DCC: variants seen among roughly 807,000 people sequenced by gnomAD.
The protein encoded by DCC is DCC netrin 1 receptor.
In DCC, 58 loss-of-function variants were observed where a neutral mutation model predicts 172.5. The observed-to-expected ratio is 0.34, with a 90% CI of 0.27 to 0.42. The LOEUF (loss-of-function observed/expected upper bound fraction) is 0.42. DCC is among the 10% of genes least tolerant of loss of function. DCC has a pLI of 1.00. For synonymous variants in DCC, 709 were observed against 644.5 expected (o/e 1.10, Z -1.52); for missense variants, 1,740 against 1,791.0 (o/e 0.97, Z 0.51).
intron 5 of DCC, among the ~76,000 whole-genome samples, chr18:53,010,502 C>CATGGCTACTTATATATTCTACTTTG (rs2041712369): frequency 2.6e-5 from 4 of 151,356 alleles, no homozygotes; most frequent in Non-Finnish European, 4.4e-5. Flanking sequence ...ATGTTAACAA[C>CATGGCTACTTATATATTCTACTTTG]GTTCAAAGTA....
At chr18:52,435,386 T>C (rs558719359) in intron 1 of DCC, among the ~76,000 whole-genome samples, 2 of 152,260 alleles carry the variant, frequency 1.3e-5, no homozygotes, top group Non-Finnish European at 2.9e-5. Flanking sequence ...ATAATGGCCT[T>C]TTCCATGGGT....
chr18:53,472,862 C>T (rs2045714924), intron 25 of DCC, among the ~76,000 whole-genome samples: 1 of 152,162 alleles, frequency 6.6e-6, no homozygotes, highest in African/African-American at 2.4e-5. Flanking sequence ...ACAAACCAAA[C>T]AAATTTTTAA....
At chr18:52,762,314 A>C (rs2037174045) in intron 2 of DCC, among the ~76,000 whole-genome samples, 1 of 151,978 alleles carries the variant, frequency 6.6e-6, no homozygotes, top group African/African-American at 2.4e-5. Context: ...TCTCTACAAA[A>C]AAATAAAAAA....
chr18:52,584,905 G>T (rs2033637296), intron 1 of DCC, among the ~76,000 whole-genome samples: 1 of 152,012 alleles, frequency 6.6e-6, no homozygotes, highest in Non-Finnish European at 1.5e-5. Flanking sequence ...TAAACCTTGG[G>T]CATATGGCTC....
intron 11 of DCC, among the ~76,000 whole-genome samples, chr18:53,215,177 A>C (rs983652630): frequency 1.3e-5 from 2 of 152,150 alleles, no homozygotes; most frequent in South Asian, 4.1e-4. Context: ...GAAATGCGCA[A>C]TATCTTAAGC....
intron 15 of DCC, among the ~76,000 whole-genome samples, chr18:53,367,013 A>G (rs772273662): frequency 1.3e-5 from 2 of 152,160 alleles, no homozygotes; most frequent in African/African-American, 2.4e-5. Context: ...CTTTATTGTC[A>G]CAGCTTTGTC....
rs145034389 is a variant in DCC at position 52,433,448 on chromosome 18, G to C, written c.91+92570G>C. Among the ~76,000 whole-genome samples the C allele has an allele frequency of 1.7e-3, 265 of 152,276 alleles. 6 individuals carry two copies. In the East Asian group the frequency reaches 0.042, roughly 24 times the overall value. On this transcript the variant is annotated intron_variant, in intron 1 of 28. Transcript: ENST00000442544. ...GTATATTCTGGGACTAGAGTTTTGA[G>C]CTAATTCAGTGCTCTTTATAATACA...
At chr18:53,105,830 C>A (rs1211778050) in intron 7 of DCC, among the ~76,000 whole-genome samples, 3 of 151,738 alleles carry the variant, frequency 2.0e-5, no homozygotes, top group Non-Finnish European at 4.4e-5. Flanking sequence ...CCCTCACTTT[C>A]TGCCATCATG....
intron 8 of DCC, among the ~76,000 whole-genome samples, chr18:53,163,460 G>A (rs906656068): frequency 2.6e-5 from 4 of 152,148 alleles, no homozygotes; most frequent in African/African-American, 4.8e-5. Context: ...TGTGATGTTT[G>A]TTTGTTCATG....
At chr18:53,033,137 G>T (rs1294778845) in intron 5 of DCC, among the ~76,000 whole-genome samples, 3 of 152,120 alleles carry the variant, frequency 2.0e-5, no homozygotes, top group Non-Finnish European at 2.9e-5. Flanking sequence ...AAATAAGAAT[G>T]TTGTGGGTGA....
At chr18:52,593,572 T>C (rs533165378) in intron 1 of DCC, among the ~76,000 whole-genome samples, 7 of 152,368 alleles carry the variant, frequency 4.6e-5, no homozygotes, top group Admixed American at 1.3e-4. Flanking sequence ...TCATGGTTTT[T>C]AAAATTTAAT....
intron 12 of DCC, among the ~76,000 whole-genome samples, chr18:53,281,012 G>C (rs1201396765): frequency 6.6e-6 from 1 of 152,112 alleles, no homozygotes; most frequent in Admixed American, 6.6e-5. Context: ...CCTCAGAAGA[G>C]ACTGAGATAC....
chr18:52,352,635 C>A (rs1336871803), intron 1 of DCC, among the ~76,000 whole-genome samples: 3 of 152,148 alleles, frequency 2.0e-5, no homozygotes, highest in Admixed American at 2.0e-4. Context: ...GGTTAATGTG[C>A]AGTACTGGGT....
intron 12 of DCC, among the ~76,000 whole-genome samples, chr18:53,227,114 A>C (rs1214571154): frequency 3.3e-5 from 5 of 150,140 alleles, no homozygotes; most frequent in African/African-American, 1.2e-4. Flanking sequence ...ACCCTAGCTA[A>C]TTTTTTGTAT....
At chr18:52,712,464 C>G (rs1347261176) in intron 1 of DCC, among the ~76,000 whole-genome samples, 1 of 152,178 alleles carries the variant, frequency 6.6e-6, no homozygotes, top group East Asian at 1.9e-4. Context: ...TTACCATAAC[C>G]CTATGAGATA....
At chr18:52,549,928 G>T (rs528365547) in intron 1 of DCC, among the ~76,000 whole-genome samples, 2 of 151,700 alleles carry the variant, frequency 1.3e-5, no homozygotes, top group Non-Finnish European at 2.9e-5. Context: ...ATGAGGTAGA[G>T]CATGACTCTG....
chr18:53,351,293 ATATATATATATATATATATATACACTG>A (rs1568074412), intron 15 of DCC, among the ~76,000 whole-genome samples: 6 of 7,568 alleles, frequency 7.9e-4, no homozygotes, highest in African/African-American at 2.3e-3. Flanking sequence ...TGAGTACAGT[ATATATATATATATATATATATACACTG>A]TATATATATA....
chr18:53,276,273 C>A (rs1213477831), intron 12 of DCC, among the ~76,000 whole-genome samples: 1 of 152,076 alleles, frequency 6.6e-6, no homozygotes, highest in Non-Finnish European at 1.5e-5. Flanking sequence ...AAATACATTC[C>A]CTAGATAATT....
chr18:52,656,062 A>ATATATATG (rs763858291), intron 1 of DCC, among the ~76,000 whole-genome samples: 8,452 of 127,746 alleles, frequency 0.066, 382 homozygotes, highest in South Asian at 0.18. Flanking sequence ...ATATATGTGT[A>ATATATATG]TATATATGTG....
Sources: gnomAD v4.1 joint callset for allele counts (sites outside exome capture counted in the v4.1 genomes callset) on GRCh38, gnomAD v4.1.1 for gene constraint, MANE v1.5 for transcripts, NCBI Gene and HGNC (gene_info 2026-07-23, HGNC 2026-07-21) for gene names.